Variants in GPA33 observed in about 807,000 individuals in gnomAD.
The protein encoded by GPA33 is cell surface A33 antigen.
Under a neutral mutation model 35.6 loss-of-function variants are expected in GPA33, and 27 were observed. The observed-to-expected ratio is 0.76, with a 90% CI of 0.56 to 1.04. The LOEUF is 1.04. Ranked by LOEUF, GPA33 falls within the 50% of genes least tolerant of loss-of-function variation. The probability of loss-of-function intolerance (pLI) is 0.00; values close to 1 mark genes in which losing one functional copy is unlikely to be tolerated. For synonymous variants in GPA33, 176 were observed against 164.0 expected (o/e 1.07, Z -0.56); for missense variants, 428 against 411.9 (o/e 1.04, Z -0.34).
At chr1:167,086,902 T>C (rs2102206987) in intron 1 of GPA33, among the ~76,000 whole-genome samples, 1 of 152,248 alleles carries the variant, frequency 6.6e-6, no homozygotes, top group South Asian at 2.1e-4. Flanking sequence ...TGTGTGTGTG[T>C]GTGTGAGAGA....
intron 1 of GPA33, among the ~76,000 whole-genome samples, chr1:167,079,029 A>T (rs985860747): frequency 2.0e-5 from 3 of 152,198 alleles, no homozygotes; most frequent in African/African-American, 7.2e-5. Flanking sequence ...AAGAGGCAGC[A>T]CTCACCATCA....
At chr1:167,081,401 G>A (rs905285619) in intron 1 of GPA33, among the ~76,000 whole-genome samples, 2 of 152,194 alleles carry the variant, frequency 1.3e-5, no homozygotes, top group African/African-American at 4.8e-5. Context: ...GGAGAAGAAG[G>A]CAGTTCACAC....
At chr1:167,082,914 C>A (rs577839471) in intron 1 of GPA33, among the ~76,000 whole-genome samples, 1 of 152,028 alleles carries the variant, frequency 6.6e-6, no homozygotes, top group South Asian at 2.1e-4. Context: ...AGGAAGGAGG[C>A]GGGTTCCAAG....
At chr1:167,062,793 C>T (rs1486247376) in intron 4 of GPA33, among the ~76,000 whole-genome samples, 1 of 151,742 alleles carries the variant, frequency 6.6e-6, no homozygotes, top group Admixed American at 6.6e-5. Flanking sequence ...ATGGTGCTGT[C>T]GTTGTGTGGA....
chr1:167,055,079 C>T lies in GPA33; in HGVS notation c.724G>A (p.Ala242Thr), dbSNP rs138343655. Residue 242 changes from alanine (A) to threonine (T), a missense_variant, in exon 6 of 7, where the codon GCG (alanine) becomes ACG (threonine). Physicochemically the swap from Ala to Thr is moderately conservative, Grantham distance 58 (BLOSUM62 0). Transcript: ENST00000367868. The part of the protein sequence containing the change: ...SMNVALYVGI[A>T]VGVVAALIII... ...ATGAGGGCTGCAACCACGCCCACCG[C>T]GATGCCCACATACAGGGCCACGTTC... The T allele has an allele frequency of 4.1e-5, 66 of 1,612,364 alleles. No homozygotes were observed. The highest frequency in any genetic ancestry group is 5.1e-5 in the Non-Finnish European group (60 of 1,179,626).
chr1:167,076,966 G>A (rs1436487227), intron 1 of GPA33, among the ~76,000 whole-genome samples: 2 of 152,152 alleles, frequency 1.3e-5, no homozygotes, highest in African/African-American at 2.4e-5. Context: ...AGCACTTTGG[G>A]AGGCCGAGGT....
chr1:167,063,577 C>T lies in GPA33; in HGVS notation c.571+5G>A. Reference sequence around the variant, plus strand: ...GGGAGCCCGCCTTCCCTACTGCCCCCTTACCTGGCTGGGCCAGGGGCTGCT... The same window carrying T: ...GGGAGCCCGCCTTCCCTACTGCCCCTTTACCTGGCTGGGCCAGGGGCTGCT... On this transcript the variant is annotated splice_donor_5th_base_variant and intron_variant, in intron 4 of 6. Transcript: ENST00000367868. 6.2e-7 allele frequency: 1 copy of T among 1,600,910 alleles called. No individual in the cohort carries two copies. Among genetic ancestry groups the T allele is most frequent in the Non-Finnish European group, 8.5e-7 (1 of 1,171,796 alleles).
At chr1:167,078,540 C>T (rs1666867722) in intron 1 of GPA33, 1 of 152,228 alleles carries the variant, frequency 6.6e-6, no homozygotes. Context: ...ATTCTCTGAA[C>T]ATCCCCTTCC....
At chr1:167,064,760 C>T (rs770496054) in intron 3 of GPA33, among the ~76,000 whole-genome samples, 5 of 152,210 alleles carry the variant, frequency 3.3e-5, no homozygotes, top group Non-Finnish European at 5.9e-5. Context: ...TCAGCACCAT[C>T]CTCCTCCTGT....
In GPA33 at chr1:167,063,619, G is replaced by A. The variant is rs781019912; in HGVS notation, c.534C>T (p.Tyr178=). The A allele has an allele frequency of 1.2e-6, 2 of 1,612,940 alleles. No individual in the cohort carries two copies. The highest frequency in any genetic ancestry group is 8.5e-7 in the Non-Finnish European group (1 of 1,179,504). The change falls in exon 4 of 7, where the codon TAC becomes TAT. Residue 178 remains tyrosine (Y), a synonymous_variant. Transcript: ENST00000367868. ...SPTPQYSWKR[Y]NILNQEQPLA... is the part of the protein sequence containing the mutation. Reference sequence around the variant, plus strand: ...GGGGCTGCTCCTGATTCAGGATGTTGTACCTCTTCCAGCTGTACTGAGGGG... The same window carrying A: ...GGGGCTGCTCCTGATTCAGGATGTTATACCTCTTCCAGCTGTACTGAGGGG...
intron 1 of GPA33, among the ~76,000 whole-genome samples, chr1:167,076,189 T>C (rs1289784693): frequency 6.6e-6 from 1 of 152,314 alleles, no homozygotes; most frequent in Admixed American, 6.5e-5. Context: ...ATAATACTTT[T>C]ACACTGTTTG....
intron 1 of GPA33, among the ~76,000 whole-genome samples, chr1:167,081,238 C>T (rs1032142672): frequency 6.6e-6 from 1 of 152,202 alleles, no homozygotes; most frequent in African/African-American, 2.4e-5. Context: ...TATGTGAGCC[C>T]TTGGGAAACT....
chr1:167,069,752 A>G (rs1189200804), intron 2 of GPA33, among the ~76,000 whole-genome samples: 2 of 152,248 alleles, frequency 1.3e-5, no homozygotes, highest in Non-Finnish European at 2.9e-5. Flanking sequence ...TGATTCTGTT[A>G]ACTATTCTGC....
chr1:167,079,909 A>T (rs917884062), intron 1 of GPA33, among the ~76,000 whole-genome samples: 1 of 151,904 alleles, frequency 6.6e-6, no homozygotes, highest in Non-Finnish European at 1.5e-5. Flanking sequence ...TGCATCCCTC[A>T]TTTTCTCTCC....
chr1:167,070,011 C>G (rs1442007820), intron 2 of GPA33, among the ~76,000 whole-genome samples: 1 of 152,046 alleles, frequency 6.6e-6, no homozygotes, highest in East Asian at 1.9e-4. Flanking sequence ...CTCTAGGACC[C>G]CAGAAGAAAA....
At chr1:167,083,503 A>G (rs570846560) in intron 1 of GPA33, among the ~76,000 whole-genome samples, 281 of 152,280 alleles carry the variant, frequency 1.8e-3, no homozygotes, top group African/African-American at 6.6e-3. Context: ...ACTATGCCAG[A>G]CTCTGGGGAT....
intron 2 of GPA33, among the ~76,000 whole-genome samples, chr1:167,072,097 C>A (rs760030039): frequency 5.3e-5 from 8 of 152,182 alleles, no homozygotes; most frequent in Non-Finnish European, 1.0e-4. Context: ...TATGGCCCAT[C>A]ATGGTCCCTT....
chr1:167,055,979 TC>T, intron 4 of GPA33, 130 bp from the exon 5 acceptor site: 1 of 865,962 alleles, frequency 1.2e-6, no homozygotes, highest in Non-Finnish European at 1.8e-6. Context: ...GAGCCCCATG[TC>T]CACCTCCAGG....
intron 4 of GPA33, among the ~76,000 whole-genome samples, chr1:167,056,648 AGTGTG>A (rs566851873): frequency 9.0e-5 from 1 of 11,118 alleles, no homozygotes; most frequent in Non-Finnish European, 1.9e-4. Context: ...TGGTGTGTGT[AGTGTG>A]TGTGGTACGG....
Sources: gnomAD v4.1 joint callset for allele counts (sites outside exome capture counted in the v4.1 genomes callset) on GRCh38, gnomAD v4.1.1 for gene constraint, MANE v1.5 for transcripts, NCBI Gene and HGNC (gene_info 2026-07-23, HGNC 2026-07-21) for gene names.